Variants in CAPZA2 observed in about 807,000 individuals in gnomAD.
CAPZA2 encodes the protein capping actin protein of muscle Z-line subunit alpha 2, also known as F-actin-capping protein subunit alpha-2.
Under a neutral mutation model 44.0 loss-of-function variants are expected in CAPZA2, and 13 were observed. The observed-to-expected ratio is 0.30, with a 90% CI of 0.19 to 0.47. The LOEUF is 0.47. Among genes scored for constraint, CAPZA2 ranks in the 20% least tolerant of loss-of-function variants. The pLI is 1.00. For synonymous variants in CAPZA2, 94 were observed against 108.2 expected (o/e 0.87, Z 0.81); for missense variants, 244 against 338.6 (o/e 0.72, Z 2.19).
At chr7:116,864,276 G>T (rs1359722303) in intron 1 of CAPZA2, among the ~76,000 whole-genome samples, 2 of 152,112 alleles carry the variant, frequency 1.3e-5, no homozygotes, top group Admixed American at 6.6e-5. Flanking sequence ...CTCGGTGTGG[G>T]AGTTAATATA....
chr7:116,881,270 G>A (rs937971272), intron 1 of CAPZA2, among the ~76,000 whole-genome samples: 2 of 151,994 alleles, frequency 1.3e-5, no homozygotes, highest in South Asian at 2.1e-4. Flanking sequence ...GAGCCCTATC[G>A]CACATCAGAC....
At chr7:116,862,679 C>A in intron 1 of CAPZA2, 29 bp downstream of exon 1, 1 of 1,523,136 alleles carries the variant, frequency 6.6e-7, no homozygotes, top group Non-Finnish European at 8.8e-7. Flanking sequence ...ACGGCGCGGG[C>A]TGTCAGGAGC....
chr7:116,910,299 C>A lies in CAPZA2; in HGVS notation c.573C>A (p.Ile191=). 6.4e-7 allele frequency: 1 copy of A among 1,554,856 alleles called. No homozygotes were observed. The highest frequency in any genetic ancestry group is 8.9e-7 in the Non-Finnish European group (1 of 1,126,082). ...ITPSTTQVVG[I]LKIQVHYYED... is the part of the protein sequence containing the mutation. Reference sequence around the variant, plus strand: ...CTTCAACCACTCAAGTGGTTGGCATCTTGAAAATTCAGGTATGAAAAATAA... The same window carrying A: ...CTTCAACCACTCAAGTGGTTGGCATATTGAAAATTCAGGTATGAAAAATAA... The change falls in exon 7 of 10, where the codon ATC becomes ATA. Residue 191 remains isoleucine (I), a synonymous_variant. Transcript: ENST00000361183.
intron 3 of CAPZA2, among the ~76,000 whole-genome samples, chr7:116,893,714 G>A (rs1796882219): frequency 6.6e-6 from 1 of 152,160 alleles, no homozygotes; most frequent in Non-Finnish European, 1.5e-5. Flanking sequence ...AATAGCTTTT[G>A]AGAGCTTTTA....
chr7:116,872,319 C>A (rs1425501734), intron 1 of CAPZA2, among the ~76,000 whole-genome samples: 1 of 152,046 alleles, frequency 6.6e-6, no homozygotes, highest in Non-Finnish European at 1.5e-5. Context: ...AACTTACTTT[C>A]TTTTAGTTGA....
At chr7:116,904,668 T>C (rs946387265) in intron 5 of CAPZA2, 25 of 271,526 alleles carry the variant, frequency 9.2e-5, no homozygotes, top group African/African-American at 4.6e-4. Context: ...TGTAATCTTA[T>C]GTTCATGACT....
chr7:116,869,533 G>T (rs1182391978), intron 1 of CAPZA2, among the ~76,000 whole-genome samples: 4 of 152,206 alleles, frequency 2.6e-5, no homozygotes, highest in Non-Finnish European at 5.9e-5. Context: ...AAATCAGGCT[G>T]CATTGTACAA....
At chr7:116,870,874 A>T (rs1796546251) in intron 1 of CAPZA2, among the ~76,000 whole-genome samples, 1 of 152,210 alleles carries the variant, frequency 6.6e-6, no homozygotes, top group Non-Finnish European at 1.5e-5. Flanking sequence ...GATGACTGGG[A>T]ATTGGTACCA....
At chr7:116,915,160 G>A (rs911319218) in intron 8 of CAPZA2, among the ~76,000 whole-genome samples, 1 of 151,898 alleles carries the variant, frequency 6.6e-6, no homozygotes, top group Non-Finnish European at 1.5e-5. Context: ...AAAATGAGAC[G>A]GGAATGGTGG....
rs536611448 is a variant in CAPZA2 at position 116,918,729 on chromosome 7, CTATT to C, written c.*868_*871del. On this transcript the variant is annotated 3_prime_UTR_variant, in exon 10 of 10. Transcript: ENST00000361183. ...ATGTGACATTAAAATGCAAATTTTC[CTATT>C]TATTTGAGTAGAAAATCACTTACCA... 34 of 151,770 alleles carry C rather than the reference CTATT, an allele frequency of 2.2e-4. No homozygotes were observed. The highest frequency in any genetic ancestry group is 4.3e-4 in the Non-Finnish European group (29 of 67,964). 9.4% of individuals were successfully genotyped at this position (151,770 alleles called of 1,614,324 possible).
chr7:116,871,852 A>G (rs1220483951), intron 1 of CAPZA2, among the ~76,000 whole-genome samples: 1 of 152,216 alleles, frequency 6.6e-6, no homozygotes, highest in Non-Finnish European at 1.5e-5. Context: ...TTGTAATTCC[A>G]GTAGAGCGCC....
chr7:116,863,369 C>A (rs1397424736), intron 1 of CAPZA2, among the ~76,000 whole-genome samples: 3 of 152,112 alleles, frequency 2.0e-5, no homozygotes, highest in Admixed American at 2.0e-4. Flanking sequence ...CCCACGTTGG[C>A]AGCAGCCCCC....
rs571595842 is a variant in CAPZA2 at position 116,890,125 on chromosome 7, C to T, written c.103+1935C>T. 9.2e-5 allele frequency among the ~76,000 whole-genome samples: 14 copies of T among 152,216 alleles called. No individual in the cohort carries two copies. The East Asian group carries it at 2.7e-3, about 29-fold the overall frequency. ...AATTTTAAGAAAAATTTTCTACATA[C>T]TTTTCTTACCTTGAGTTAAATGCCC... On this transcript the variant is annotated intron_variant, in intron 2 of 9. Transcript: ENST00000361183.
At chr7:116,898,989 G>A (rs1041193491) in intron 4 of CAPZA2, among the ~76,000 whole-genome samples, 154 bp downstream of exon 4, 1 of 151,888 alleles carries the variant, frequency 6.6e-6, no homozygotes. Context: ...CTTTCTTTTG[G>A]TGATACCAGT....
rs773866358 is a variant in CAPZA2 at position 116,904,308 on chromosome 7, T to C, written c.351T>C (p.Val117=). 47 of 1,613,538 alleles carry C rather than the reference T, an allele frequency of 2.9e-5. No individual in the cohort carries two copies. The highest frequency in any genetic ancestry group is 3.6e-5 in the Non-Finnish European group (43 of 1,179,602). ...GACCCTGTGAAGTAGAAAATGCAGT[T>C]GAATCATGGAGAACTTCAGTAGAAA... ...DPRPCEVENA[V]ESWRTSVETA... Residue 117 remains valine, a synonymous_variant, in exon 5 of 10, where the codon GTT becomes GTC. Coordinates refer to ENST00000361183, the MANE Select transcript of CAPZA2 (RefSeq NM_006136.3).
intron 1 of CAPZA2, among the ~76,000 whole-genome samples, chr7:116,865,177 CTTTTTTTTTTTTTT>C (rs1011886318): frequency 1.1e-5 from 1 of 87,988 alleles, no homozygotes; most frequent in Non-Finnish European, 2.2e-5. Context: ...GCGCTCTCTT[CTTTTTTTTTTTTTT>C]TTTTTTTTTT....
chr7:116,913,508 T>C (rs1335312388), intron 8 of CAPZA2, among the ~76,000 whole-genome samples: 2 of 152,198 alleles, frequency 1.3e-5, no homozygotes, highest in African/African-American at 4.8e-5. Context: ...AGTTCATCTT[T>C]CAAATTTAAG....
At position 116,908,703 on chromosome 7, in the gene CAPZA2, G is replaced by T. The variant is rs114688113; in HGVS notation, c.507-1530G>T. On this transcript the variant is annotated intron_variant, in intron 6 of 9. Transcript: ENST00000361183. ...TTGTCCTAGTCAGTATTTTATATAT[G>T]CTAAGGACTCACTAGCTGGCTTGGC... Among the ~76,000 whole-genome samples the T allele has an allele frequency of 7.4e-4, 113 of 151,942 alleles. 1 individual carries two copies. The highest frequency in any genetic ancestry group is 2.5e-3 in the African/African-American group (102 of 41,424).
chr7:116,863,433 G>C (rs1796443520), intron 1 of CAPZA2, among the ~76,000 whole-genome samples: 1 of 152,228 alleles, frequency 6.6e-6, no homozygotes, highest in African/African-American at 2.4e-5. Context: ...TTCTTCCGAA[G>C]AGGGGAAAAT....
Sources: gnomAD v4.1 joint callset for allele counts (sites outside exome capture counted in the v4.1 genomes callset) on GRCh38, gnomAD v4.1.1 for gene constraint, MANE v1.5 for transcripts, NCBI Gene and HGNC (gene_info 2026-07-23, HGNC 2026-07-21) for gene names.